The following SPATS2L variants were observed in gnomAD, a reference collection of about 807,000 sequenced individuals.
SPATS2L encodes the protein spermatogenesis associated serine rich 2 like.
In SPATS2L, 30 loss-of-function variants were observed where a neutral mutation model predicts 59.6. That is an observed-to-expected ratio of 0.50 (90% CI 0.38 to 0.68). The LOEUF (loss-of-function observed/expected upper bound fraction) is 0.68, where lower values mean the gene tolerates loss of function less well. Ranked by LOEUF, SPATS2L falls within the 30% of genes least tolerant of loss-of-function variation. SPATS2L has a pLI of 0.00. For synonymous variants in SPATS2L, 252 were observed against 263.5 expected, an observed-to-expected ratio of 0.96 and a Z score of 0.42; for missense variants, 615 against 700.0, an observed-to-expected ratio of 0.88 and a Z score of 1.37.
intron 1 of SPATS2L, among the ~76,000 whole-genome samples, chr2:200,314,258 A>G (rs2079287594): frequency 6.6e-6 from 1 of 152,246 alleles, no homozygotes. Flanking sequence ...TTTAAAACCC[A>G]GGACAACTTC....
At chr2:200,363,549 A>G (rs1354302002) in intron 2 of SPATS2L, among the ~76,000 whole-genome samples, 1 of 152,244 alleles carries the variant, frequency 6.6e-6, no homozygotes, top group Non-Finnish European at 1.5e-5. Flanking sequence ...AAACCATGGC[A>G]GAATTAGATC....
At chr2:200,320,403 C>T (rs2079524098) in intron 1 of SPATS2L, among the ~76,000 whole-genome samples, 1 of 152,112 alleles carries the variant, frequency 6.6e-6, no homozygotes, top group South Asian at 2.1e-4. Flanking sequence ...AACTCATGAA[C>T]TTGTTTGGTT....
intron 11 of SPATS2L, among the ~76,000 whole-genome samples, chr2:200,472,531 T>A (rs1421505497): frequency 6.6e-6 from 1 of 152,198 alleles, no homozygotes; most frequent in African/African-American, 2.4e-5. Flanking sequence ...CTCTTTTCCC[T>A]TGGTGGTTCT....
intron 1 of SPATS2L, among the ~76,000 whole-genome samples, chr2:200,317,761 G>A (rs1038930993): frequency 6.6e-6 from 1 of 152,186 alleles, no homozygotes; most frequent in East Asian, 1.9e-4. Context: ...TTGAATCTCT[G>A]AATAGTCAGG....
intron 2 of SPATS2L, among the ~76,000 whole-genome samples, chr2:200,366,368 CA>C (rs1292808403): frequency 6.6e-6 from 1 of 152,154 alleles, no homozygotes; most frequent in East Asian, 1.9e-4. Context: ...CTGGCACACT[CA>C]AAAGGAGGCT....
chr2:200,415,641 AT>A (rs1432483491), intron 4 of SPATS2L, among the ~76,000 whole-genome samples: 1 of 152,000 alleles, frequency 6.6e-6, no homozygotes, highest in African/African-American at 2.4e-5. Flanking sequence ...GCGATAAAAC[AT>A]TTTTTTAATG....
chr2:200,416,245 T>C (rs1272571404), intron 4 of SPATS2L, 134 bp from the exon 5 acceptor site: 2 of 390,558 alleles, frequency 5.1e-6, no homozygotes, highest in Non-Finnish European at 8.7e-6. Context: ...TTTATTAAGA[T>C]AGGATGTATC....
At chr2:200,312,661 A>G (rs1172962501) in intron 1 of SPATS2L, among the ~76,000 whole-genome samples, 1 of 152,232 alleles carries the variant, frequency 6.6e-6, no homozygotes, top group Admixed American at 6.5e-5. Flanking sequence ...AGCAAAACTG[A>G]AGCCTAGAAA....
At chr2:200,472,332 C>T (rs1038815775) in intron 11 of SPATS2L, among the ~76,000 whole-genome samples, 2 of 152,324 alleles carry the variant, frequency 1.3e-5, no homozygotes, top group East Asian at 3.9e-4. Context: ...ACCCCATTCC[C>T]AAGCTCTCAG....
intron 8 of SPATS2L, among the ~76,000 whole-genome samples, chr2:200,449,350 C>T (rs1173685984): frequency 6.6e-6 from 1 of 152,192 alleles, no homozygotes; most frequent in Non-Finnish European, 1.5e-5. Context: ...TATTAATAGC[C>T]TTCCTGAGCT....
At chr2:200,457,635 G>T (rs1215532478) in intron 8 of SPATS2L, among the ~76,000 whole-genome samples, 1 of 152,220 alleles carries the variant, frequency 6.6e-6, no homozygotes, top group African/African-American at 2.4e-5. Flanking sequence ...CATGGGGCTG[G>T]CTGATGTTGT....
chr2:200,440,721 T>C lies in SPATS2L; in HGVS notation c.725T>C (p.Ile242Thr), dbSNP rs375661298. 3.1e-6 allele frequency: 5 copies of C among 1,613,572 alleles called. No homozygotes were observed. The highest frequency in any genetic ancestry group is 4.2e-6 in the Non-Finnish European group (5 of 1,179,700). The change falls in exon 8 of 13, where the codon ATT becomes ACT. Residue 242 changes from isoleucine (I) to threonine (T), a missense_variant. Ile to Thr is a moderately conservative substitution (Grantham distance 89, BLOSUM62 -1). Transcript: ENST00000409140. ...TCTCTAACTAGATATCGCGTCATGATTAAGGAAGAAGTGGATAGTTCCGTG... is the reference window on the plus strand; with the variant it reads ...TCTCTAACTAGATATCGCGTCATGACTAAGGAAGAAGTGGATAGTTCCGTG... ...TVSLTRYRVM[I>T]KEEVDSSVKK...
At chr2:200,414,111 GC>G (rs1236963326) in intron 4 of SPATS2L, among the ~76,000 whole-genome samples, 1 of 151,632 alleles carries the variant, frequency 6.6e-6, no homozygotes, top group Non-Finnish European at 1.5e-5. Context: ...TTGGATTGAG[GC>G]CCCCCACGTT....
At chr2:200,464,039 C>T (rs1224400565) in intron 9 of SPATS2L, among the ~76,000 whole-genome samples, 1 of 152,182 alleles carries the variant, frequency 6.6e-6, no homozygotes, top group African/African-American at 2.4e-5. Context: ...TTTATACATA[C>T]ATAATATTAA....
Position 200,419,405 on chromosome 2 carries a change from A to G in SPATS2L, c.354A>G (p.Thr118=), listed in dbSNP as rs1290623633. ...MNGCEKDSSS[T]DSANEKPALI... is the part of the protein sequence containing the mutation. ...GCTGCGAGAAGGACAGCTCGTCCAC[A>G]GATTCTGCTAACGAAAAACCAGCCC... The change falls in exon 6 of 13, where the codon ACA becomes ACG. Residue 118 remains threonine, a synonymous_variant. Coordinates refer to ENST00000409140, the MANE Select transcript of SPATS2L (RefSeq NM_001100423.2). 1 of 1,613,632 alleles carries G rather than the reference A, an allele frequency of 6.2e-7. No homozygotes were observed. The highest frequency in any genetic ancestry group is 1.3e-5 in the African/African-American group (1 of 74,934).
At position 200,415,229 on chromosome 2, in the gene SPATS2L, C is replaced by T. The variant is rs958487679; in HGVS notation, c.149-1150C>T. Among the ~76,000 whole-genome samples, 9 of 152,198 alleles carry T rather than the reference C, an allele frequency of 5.9e-5. No individual in the cohort carries two copies. In the East Asian group the frequency reaches 7.7e-4, roughly 13 times the overall value. On this transcript the variant is annotated intron_variant, in intron 4 of 12. Coordinates refer to ENST00000409140, the MANE Select transcript of SPATS2L (RefSeq NM_001100423.2). ...GCAACTCAGACAAGTCTAAGAGGGG[C>T]GTTGAGTTGGAAACTTTAAATAGAT...
In SPATS2L at chr2:200,356,794, T is replaced by C. The variant is rs183272570; in HGVS notation, c.-23+27314T>C. On this transcript the variant is annotated intron_variant, in intron 2 of 12. Transcript: ENST00000409140. Reference sequence around the variant, plus strand: ...TTATTTGGCTCATGGTTCTGGAGGCTAGGAAGTATGGCATTGGTGTCTGGT... The same window carrying C: ...TTATTTGGCTCATGGTTCTGGAGGCCAGGAAGTATGGCATTGGTGTCTGGT... Among the ~76,000 whole-genome samples the C allele has an allele frequency of 2.0e-5, 3 of 152,324 alleles. No individual in the cohort carries two copies. The East Asian group carries it at 5.8e-4, about 29-fold the overall frequency.
At chr2:200,305,946 T>G, upstream of SPATS2L, 2 of 639,812 alleles carry the variant, frequency 3.1e-6, no homozygotes, top group African/African-American at 2.0e-5. Context: ...GAATAATGAT[T>G]GAGAAACTGC....
chr2:200,331,792 A>C (rs1208247174), intron 2 of SPATS2L, among the ~76,000 whole-genome samples: 1 of 152,192 alleles, frequency 6.6e-6, no homozygotes, highest in African/African-American at 2.4e-5. Context: ...AAAAAATGTT[A>C]GTTATTTTGT....
Sources: gnomAD v4.1 joint callset for allele counts (sites outside exome capture counted in the v4.1 genomes callset) on GRCh38, gnomAD v4.1.1 for gene constraint, MANE v1.5 for transcripts, NCBI Gene and HGNC (gene_info 2026-07-23, HGNC 2026-07-21) for gene names.